LINGO2: variants seen among roughly 807,000 people sequenced by gnomAD.
LINGO2 encodes leucine rich repeat and Ig domain containing 2.
In LINGO2, 14 loss-of-function variants were observed where a neutral mutation model predicts 30.6. The observed-to-expected ratio is 0.46, with a 90% CI of 0.30 to 0.72. The LOEUF (loss-of-function observed/expected upper bound fraction) is 0.72, where lower values mean the gene tolerates loss of function less well. Among genes scored for constraint, LINGO2 ranks in the 30% least tolerant of loss-of-function variants. LINGO2 has a pLI of 0.07. For synonymous variants in LINGO2, 317 were observed against 288.5 expected (o/e 1.10, Z -1.00); for missense variants, 729 against 751.7 (o/e 0.97, Z 0.35).
At chr9:27,972,192 T>TA (rs2118777796) in intron 5 of LINGO2, among the ~76,000 whole-genome samples, 1 of 152,330 alleles carries the variant, frequency 6.6e-6, no homozygotes, top group East Asian at 1.9e-4. Flanking sequence ...TGTCTTGGTT[T>TA]AGGAAACGGT....
At chr9:29,008,257 C>T in the LINGO2 span, among the ~76,000 whole-genome samples, 6 of 152,160 alleles carry the variant, frequency 3.9e-5, no homozygotes, top group Non-Finnish European at 8.8e-5. Flanking sequence ...GACAGGAACT[C>T]ATCCTTTTTT....
At chr9:27,993,204 T>C (rs1821485186) in intron 5 of LINGO2, among the ~76,000 whole-genome samples, 1 of 152,212 alleles carries the variant, frequency 6.6e-6, no homozygotes, top group African/African-American at 2.4e-5. Flanking sequence ...AAATTGGTAA[T>C]TTTCCCCCCT....
intron 4 of LINGO2, among the ~76,000 whole-genome samples, chr9:28,121,601 C>T (rs1009085476): frequency 6.6e-6 from 1 of 152,176 alleles, no homozygotes; most frequent in African/African-American, 2.4e-5. Context: ...TGAAATCAGC[C>T]GGGTCTCTTG....
intron 4 of LINGO2, among the ~76,000 whole-genome samples, chr9:28,258,043 C>G (rs1157755472): frequency 6.6e-6 from 1 of 151,852 alleles, no homozygotes; most frequent in African/African-American, 2.4e-5. Flanking sequence ...TATTCTTTGT[C>G]CTCTATTTAC....
At chr9:29,179,760 C>A in the LINGO2 span, among the ~76,000 whole-genome samples, 1 of 152,054 alleles carries the variant, frequency 6.6e-6, no homozygotes, top group Non-Finnish European at 1.5e-5. Flanking sequence ...AATATATATC[C>A]TAAAAAATGT....
intron 4 of LINGO2, among the ~76,000 whole-genome samples, chr9:28,259,061 C>G (rs1019313760): frequency 1.4e-4 from 21 of 151,916 alleles, no homozygotes; most frequent in Non-Finnish European, 2.8e-4. Context: ...CAGAATTAGT[C>G]TGTTTGCATG....
intron 3 of LINGO2, among the ~76,000 whole-genome samples, chr9:28,342,454 T>G (rs1169874444): frequency 6.6e-6 from 1 of 152,130 alleles, no homozygotes; most frequent in Non-Finnish European, 1.5e-5. Context: ...CATGCTGCAG[T>G]GACCCACCAG....
intron 4 of LINGO2, among the ~76,000 whole-genome samples, chr9:28,035,398 GTC>G (rs1170841342): frequency 6.6e-6 from 1 of 152,222 alleles, no homozygotes; most frequent in African/African-American, 2.4e-5. Context: ...CAAGGGCACT[GTC>G]TCATTTGTGA....
chr9:28,179,651 G>GTATATATACTATATATAGTATTTTATAC (rs1168577606), intron 4 of LINGO2, among the ~76,000 whole-genome samples: 32 of 122,734 alleles, frequency 2.6e-4, no homozygotes, highest in Admixed American at 5.9e-4. Flanking sequence ...ATACTGTAGT[G>GTATATATACTATATATAGTATTTTATAC]TATATATACT....
At chr9:28,018,396 A>G (rs994950262) in intron 4 of LINGO2, among the ~76,000 whole-genome samples, 1 of 152,132 alleles carries the variant, frequency 6.6e-6, no homozygotes, top group African/African-American at 2.4e-5. Context: ...CACAGCCGAT[A>G]CAGAATGAAA....
chr9:29,116,536 A>G, the LINGO2 span, among the ~76,000 whole-genome samples: 1 of 151,960 alleles, frequency 6.6e-6, no homozygotes, highest in Admixed American at 6.6e-5. Context: ...CTGAGAAAAG[A>G]CTCATCTTTA....
chr9:28,603,047 A>G (rs1825555273), intron 1 of LINGO2, among the ~76,000 whole-genome samples: 1 of 152,120 alleles, frequency 6.6e-6, no homozygotes, highest in Admixed American at 6.6e-5. Flanking sequence ...ATCCTTTGAA[A>G]ACAAAGCTAG....
intron 4 of LINGO2, among the ~76,000 whole-genome samples, chr9:28,135,163 A>G (rs1412426004): frequency 6.6e-6 from 1 of 152,224 alleles, no homozygotes; most frequent in East Asian, 1.9e-4. Context: ...AAAAATCACA[A>G]TGAGCATATA....
At chr9:28,061,398 G>T (rs1384140479) in intron 4 of LINGO2, among the ~76,000 whole-genome samples, 1 of 151,514 alleles carries the variant, frequency 6.6e-6, no homozygotes, top group Non-Finnish European at 1.5e-5. Flanking sequence ...CTACTTTCTG[G>T]AATAATCCAG....
intron 1 of LINGO2, among the ~76,000 whole-genome samples, chr9:28,619,036 G>C (rs1417386740): frequency 1.3e-5 from 2 of 152,106 alleles, no homozygotes; most frequent in Non-Finnish European, 2.9e-5. Flanking sequence ...TGTTAAAACA[G>C]GGACTACAAT....
chr9:29,054,773 C>T, the LINGO2 span, among the ~76,000 whole-genome samples: 583 of 152,110 alleles, frequency 3.8e-3, 2 homozygotes, highest in African/African-American at 0.013. Context: ...GTAATACAAA[C>T]ATATATATTT....
intron 3 of LINGO2, among the ~76,000 whole-genome samples, chr9:28,356,415 C>T (rs547971410): frequency 5.3e-5 from 8 of 152,192 alleles, no homozygotes; most frequent in Non-Finnish European, 8.8e-5. Flanking sequence ...TTCTTTCTGG[C>T]AGCTACAGAA....
At chr9:28,322,124 G>A (rs183580147) in intron 3 of LINGO2, among the ~76,000 whole-genome samples, 1 of 151,992 alleles carries the variant, frequency 6.6e-6, no homozygotes, top group South Asian at 2.1e-4. Flanking sequence ...AGACACATGG[G>A]TTTTTTTCAT....
intron 1 of LINGO2, among the ~76,000 whole-genome samples, chr9:28,639,730 G>A (rs555872934): frequency 1.2e-3 from 175 of 152,078 alleles, no homozygotes; most frequent in Admixed American, 6.5e-3. Context: ...ATGTGAGGTG[G>A]GTCTCCTGAA....
Sources: allele counts gnomAD v4.1 joint callset (sites outside exome capture counted in the v4.1 genomes callset), GRCh38; gene constraint gnomAD v4.1.1; transcripts MANE v1.5; gene names NCBI Gene and HGNC (gene_info 2026-07-23, HGNC 2026-07-21).